RAB3IP: variants seen among roughly 807,000 people sequenced by gnomAD.
RAB3IP encodes the protein RAB3A interacting protein, also known as rab-3A-interacting protein.
RAB3IP carries 36 observed loss-of-function variants against 59.1 expected under a neutral mutation model. The ratio of observed to expected loss-of-function variants is 0.61; its 90% confidence interval spans 0.47 to 0.80. RAB3IP has a LOEUF of 0.80. Among genes scored for constraint, RAB3IP ranks in the 30% least tolerant of loss-of-function variants. RAB3IP has a pLI of 0.00. For missense variants in RAB3IP, 511 were observed against 536.0 expected, an observed-to-expected ratio of 0.95 and a Z score of 0.46; for synonymous variants, 207 against 191.2, an observed-to-expected ratio of 1.08 and a Z score of -0.68.
intron 1 of RAB3IP, among the ~76,000 whole-genome samples, chr12:69,747,740 G>C (rs560661780): frequency 3.3e-5 from 5 of 152,278 alleles, no homozygotes; most frequent in East Asian, 1.9e-4. Flanking sequence ...AAGTTACCCT[G>C]TTGGCTTTTC....
chr12:69,755,260 C>A (rs1592459969), intron 1 of RAB3IP, 124 bp from the exon 2 acceptor site: 1 of 881,516 alleles, frequency 1.1e-6, no homozygotes, highest in East Asian at 2.7e-5. Context: ...TTAAAAAAAG[C>A]CTCTTTTATT....
intron 3 of RAB3IP, among the ~76,000 whole-genome samples, chr12:69,767,268 A>G (rs535957409): frequency 6.6e-6 from 1 of 152,068 alleles, no homozygotes; most frequent in South Asian, 2.1e-4. Flanking sequence ...TTCTTTCAGC[A>G]GGTTTTATAT....
At chr12:69,745,723 A>G (rs1868311295) in intron 1 of RAB3IP, among the ~76,000 whole-genome samples, 1 of 152,142 alleles carries the variant, frequency 6.6e-6, no homozygotes, top group African/African-American at 2.4e-5. Flanking sequence ...GGTTTGTTAC[A>G]TAGGTATACA....
At chr12:69,800,397 T>C in intron 7 of RAB3IP, 60 bp downstream of exon 7, 1 of 1,002,146 alleles carries the variant, frequency 1.0e-6, no homozygotes, top group Non-Finnish European at 1.4e-6. Flanking sequence ...TCTTTTAAAC[T>C]AAATCATATT....
intron 3 of RAB3IP, among the ~76,000 whole-genome samples, chr12:69,781,994 T>G (rs1046941765): frequency 2.6e-5 from 4 of 152,226 alleles, no homozygotes; most frequent in Non-Finnish European, 5.9e-5. Flanking sequence ...TCACTAGCAA[T>G]AAATTAGAGT....
chr12:69,800,162 T>C, intron 6 of RAB3IP, 47 bp from the exon 7 acceptor site: 3 of 1,432,776 alleles, frequency 2.1e-6, no homozygotes, highest in South Asian at 1.6e-5. Flanking sequence ...GGTTTTTATG[T>C]TTATACGTTT....
chr12:69,785,265 CTG>C (rs1875452360), intron 4 of RAB3IP, among the ~76,000 whole-genome samples: 1 of 152,214 alleles, frequency 6.6e-6, no homozygotes, highest in Non-Finnish European at 1.5e-5. Context: ...TTCTACCTAA[CTG>C]GAGCAGTGTT....
At chr12:69,764,455 G>T (rs1240486208) in intron 3 of RAB3IP, among the ~76,000 whole-genome samples, 1 of 152,112 alleles carries the variant, frequency 6.6e-6, no homozygotes, top group Non-Finnish European at 1.5e-5. Flanking sequence ...GATGGCTGTA[G>T]GTCCAGGGCT....
intron 3 of RAB3IP, among the ~76,000 whole-genome samples, chr12:69,761,215 A>G (rs1221390924): frequency 2.6e-5 from 4 of 152,190 alleles, no homozygotes; most frequent in Non-Finnish European, 4.4e-5. Context: ...TAAACTAGAC[A>G]TTGTAGTTTT....
chr12:69,744,195 C>T (rs1282388692), intron 1 of RAB3IP, among the ~76,000 whole-genome samples: 1 of 151,910 alleles, frequency 6.6e-6, no homozygotes, highest in Non-Finnish European at 1.5e-5. Flanking sequence ...TCCGTGTGTT[C>T]TCATTGTTCA....
intron 3 of RAB3IP, among the ~76,000 whole-genome samples, chr12:69,763,349 C>T (rs981706096): frequency 1.3e-5 from 2 of 152,176 alleles, no homozygotes; most frequent in African/African-American, 4.8e-5. Context: ...TCAAAACACT[C>T]TGATAGTAAG....
intron 3 of RAB3IP, among the ~76,000 whole-genome samples, chr12:69,766,792 C>CT (rs1286202661): frequency 7.2e-5 from 11 of 152,180 alleles, no homozygotes; most frequent in Admixed American, 3.9e-4. Flanking sequence ...TCCCAAAGTG[C>CT]TGGGATTACA....
rs973653245 is a variant in RAB3IP, at chr12:69,755,634, A to G, written c.226A>G (p.Asn76Asp). The G allele has an allele frequency of 6.2e-7, 1 of 1,613,536 alleles. No individual in the cohort carries two copies. The highest frequency in any genetic ancestry group is 1.3e-5 in the African/African-American group (1 of 74,874). Reference protein sequence around the residue: ...QPVYSSPRRLNCAEISSISFH... With the variant: ...QPVYSSPRRLDCAEISSISFH... ...CGTGTATTCATCCCCCAGACGTTTA[A>G]ATTGTGCGGAAATATCTAGTATCAG... is the stretch of plus-strand genomic sequence containing the variant. The change falls in exon 2 of 11, where the codon AAT becomes GAT. Residue 76 changes from asparagine (N) to aspartate (D), a missense_variant. Physicochemically the swap from Asn to Asp is conservative, Grantham distance 23 (BLOSUM62 1). Transcript: ENST00000247833.
chr12:69,820,984 T>A lies in RAB3IP; in HGVS notation c.*5538T>A, dbSNP rs1452770868. On this transcript the variant is annotated 3_prime_UTR_variant, in exon 11 of 11. Coordinates refer to ENST00000247833, the MANE Select transcript of RAB3IP (RefSeq NM_022456.5). ...AAATTTGCAAAACTTAAAAAAAAAA[T>A]GTAGAAGAGGACTAAACTTGATAAA... is the stretch of plus-strand genomic sequence containing the variant. 2 of 146,254 alleles carry A rather than the reference T, an allele frequency of 1.4e-5. No individual in the cohort carries two copies. Among genetic ancestry groups the A allele is most frequent in the African/African-American group, 5.1e-5 (2 of 39,400 alleles). The allele number at this position is 146,254 out of a possible 1,614,324, so 9.1% of individuals were successfully genotyped here.
chr12:69,764,821 C>T lies in RAB3IP; in HGVS notation c.510+8158C>T, dbSNP rs543258114. 2.3e-4 allele frequency among the ~76,000 whole-genome samples: 35 copies of T among 152,122 alleles called. No individual in the cohort carries two copies. The South Asian group carries it at 4.2e-3, about 18-fold the overall frequency. Reference sequence around the variant, plus strand: ...TTTCTTTGTGTTATTTATGATTTAACGGTATTTTATAGTTCTCTTTGTAGA... The same window carrying T: ...TTTCTTTGTGTTATTTATGATTTAATGGTATTTTATAGTTCTCTTTGTAGA... On this transcript the variant is annotated intron_variant, in intron 3 of 10. Transcript: ENST00000247833.
rs1317051417 is a variant in RAB3IP, at chr12:69,821,259, C to T, written c.*5813C>T. 6.6e-6 allele frequency: 1 copy of T among 152,162 alleles called. No homozygotes were observed. Among genetic ancestry groups the T allele is most frequent in the African/African-American group, 2.4e-5 (1 of 41,424 alleles). 9.4% of individuals were successfully genotyped at this position (152,162 alleles called of 1,614,324 possible). The stretch of plus-strand genomic sequence containing the variant: ...TCAATACCAAAGCAAACCCAAATCA[C>T]AACTAGATTAGATTACTATTCAAGA... On this transcript the variant is annotated 3_prime_UTR_variant, in exon 11 of 11. Transcript: ENST00000247833.
intron 4 of RAB3IP, among the ~76,000 whole-genome samples, chr12:69,793,922 C>A (rs561832140): frequency 6.6e-6 from 1 of 152,176 alleles, no homozygotes; most frequent in Admixed American, 6.5e-5. Flanking sequence ...AACTGATTTG[C>A]CTTTTTAGGT....
chr12:69,786,172 A>G (rs1007300333), intron 4 of RAB3IP, among the ~76,000 whole-genome samples: 2 of 152,118 alleles, frequency 1.3e-5, no homozygotes, highest in Admixed American at 6.5e-5. Flanking sequence ...GTAATTTAAT[A>G]TTTTGTGTTT....
At chr12:69,800,553 T>C (rs1056013663) in intron 7 of RAB3IP, among the ~76,000 whole-genome samples, 11 of 152,272 alleles carry the variant, frequency 7.2e-5, no homozygotes, top group African/African-American at 2.6e-4. Flanking sequence ...TCATTCACAC[T>C]CAAATGTGTA....
Sources: gnomAD v4.1 joint callset for allele counts (sites outside exome capture counted in the v4.1 genomes callset) on GRCh38, gnomAD v4.1.1 for gene constraint, MANE v1.5 for transcripts, NCBI Gene and HGNC (gene_info 2026-07-23, HGNC 2026-07-21) for gene names.